CFAP206: variants seen among roughly 807,000 people sequenced by gnomAD.
CFAP206 encodes cilia- and flagella-associated protein 206.
A neutral mutation model predicts 65.4 loss-of-function variants in CFAP206; 53 were observed. The ratio of observed to expected loss-of-function variants is 0.81; its 90% CI spans 0.65 to 1.02. The LOEUF is 1.02. CFAP206 is among the 50% of genes least tolerant of loss of function. CFAP206 has a pLI of 0.00. For missense variants in CFAP206, 663 were observed against 753.2 expected (o/e 0.88, Z 1.40); for synonymous variants, 250 against 254.4 (o/e 0.98, Z 0.17).
chr6:87,452,379 T>G (rs1348813083), intron 11 of CFAP206, among the ~76,000 whole-genome samples: 1 of 152,178 alleles, frequency 6.6e-6, no homozygotes, highest in African/African-American at 2.4e-5. Context: ...AAACCCAGAT[T>G]GCTAAGATTA....
At chr6:87,434,418 CA>C (rs11435368) in intron 10 of CFAP206, among the ~76,000 whole-genome samples, 35,665 of 102,142 alleles carry the variant, frequency 0.35, 4,505 homozygotes, top group Admixed American at 0.46. Context: ...GACACAGTCT[CA>C]AAAAAAAAAA....
At chr6:87,457,273 T>C (rs907973007) in intron 11 of CFAP206, among the ~76,000 whole-genome samples, 1 of 152,152 alleles carries the variant, frequency 6.6e-6, no homozygotes, top group African/African-American at 2.4e-5. Context: ...ATGCAATCCT[T>C]ATCAAAATAC....
chr6:87,460,023 T>C (rs1299882249), intron 11 of CFAP206, among the ~76,000 whole-genome samples: 2 of 152,218 alleles, frequency 1.3e-5, no homozygotes, highest in Non-Finnish European at 1.5e-5. Context: ...TTAACTATCT[T>C]TTTAGCATTT....
Position 87,435,062 on chromosome 6 carries a change from G to T in CFAP206, c.1494+9G>T. Reference sequence around the variant, plus strand: ...TTATTCCATATTCTCAGGTAAGCAGGGTCAATATTTTATGAATTTATGACA... The same window carrying T: ...TTATTCCATATTCTCAGGTAAGCAGTGTCAATATTTTATGAATTTATGACA... On this transcript the variant is annotated intron_variant, in intron 11 of 12. Transcript: ENST00000369562. The T allele has an allele frequency of 1.3e-6, 2 of 1,534,096 alleles. No individual in the cohort carries two copies. The highest frequency in any genetic ancestry group is 1.8e-6 in the Non-Finnish European group (2 of 1,132,826).
intron 7 of CFAP206, among the ~76,000 whole-genome samples, chr6:87,423,226 A>T (rs1562245407): frequency 2.8e-5 from 4 of 142,348 alleles, no homozygotes; most frequent in Non-Finnish European, 6.1e-5. Flanking sequence ...GCCTTAGAAT[A>T]TTTTTTTATT....
intron 11 of CFAP206, 103 bp from the exon 12 acceptor site, chr6:87,460,916 AATT>A (rs1391540470): frequency 1.1e-6 from 1 of 932,608 alleles, no homozygotes; most frequent in South Asian, 1.9e-5. Context: ...CATGTCCAAA[AATT>A]ATTGTTTTTT....
At chr6:87,426,696 C>T in intron 8 of CFAP206, 51 bp downstream of exon 8, 1 of 1,393,028 alleles carries the variant, frequency 7.2e-7, no homozygotes, top group Non-Finnish European at 9.5e-7. Context: ...CTTTTGAGCC[C>T]TATAATATTG....
chr6:87,423,507 C>T (rs940444299), intron 7 of CFAP206, among the ~76,000 whole-genome samples: 1 of 152,182 alleles, frequency 6.6e-6, no homozygotes, highest in East Asian at 1.9e-4. Context: ...CCTCCGCCTC[C>T]CAAAGTGCTG....
chr6:87,442,676 GT>G (rs976114032), intron 11 of CFAP206, among the ~76,000 whole-genome samples: 3 of 152,060 alleles, frequency 2.0e-5, no homozygotes, highest in African/African-American at 7.2e-5. Context: ...TTTGCTGAGA[GT>G]TTTTTATATG....
At chr6:87,438,460 C>CAAA (rs757336468) in intron 11 of CFAP206, among the ~76,000 whole-genome samples, 50,348 of 110,456 alleles carry the variant, frequency 0.46, 10,300 homozygotes, top group Admixed American at 0.57. Flanking sequence ...ACTCTTGTCT[C>CAAA]AAAAAAAAAA....
chr6:87,438,589 GGA>G (rs1161705952), intron 11 of CFAP206, among the ~76,000 whole-genome samples: 1 of 151,552 alleles, frequency 6.6e-6, no homozygotes, highest in African/African-American at 2.4e-5. Flanking sequence ...TGTGTTTTTT[GGA>G]GAGTCTTTTG....
In CFAP206 at chr6:87,417,224, G is replaced by A. The variant is rs1767849622; in HGVS notation, c.631+397G>A. On this transcript the variant is annotated intron_variant, in intron 6 of 12. Coordinates refer to ENST00000369562, the MANE Select transcript of CFAP206 (RefSeq NM_001031743.3). ...CAGTTAATGGAATGAAAAGATCCACGAGGAGATATTTCAAATCTCTAAATT... is the reference window on the plus strand; with the variant it reads ...CAGTTAATGGAATGAAAAGATCCACAAGGAGATATTTCAAATCTCTAAATT... 2.6e-5 allele frequency among the ~76,000 whole-genome samples: 4 copies of A among 152,170 alleles called. No homozygotes were observed. In the South Asian group the frequency reaches 8.3e-4, roughly 31 times the overall value.
rs995437844 is a variant in CFAP206 at position 87,417,056 on chromosome 6, A to G, written c.631+229A>G. ...TGAAGCTAGTAGGAGAAAGTGAATC[A>G]GTGAAAGCAATGAAGGGTCCTGCTC... On this transcript the variant is annotated intron_variant, in intron 6 of 12. Coordinates refer to ENST00000369562, the MANE Select transcript of CFAP206 (RefSeq NM_001031743.3). 3.8e-4 allele frequency among the ~76,000 whole-genome samples: 58 copies of G among 152,346 alleles called. 1 individual carries two copies. Among genetic ancestry groups the G allele is most frequent in the African/African-American group, 1.3e-3 (53 of 41,566 alleles).
At chr6:87,462,153 G>A (rs985370344) in intron 12 of CFAP206, among the ~76,000 whole-genome samples, 7 of 152,178 alleles carry the variant, frequency 4.6e-5, no homozygotes, top group Non-Finnish European at 8.8e-5. Context: ...TGGCTTCCCT[G>A]ACTGGTTGAT....
chr6:87,440,014 A>G (rs999472883), intron 11 of CFAP206, among the ~76,000 whole-genome samples: 1 of 152,200 alleles, frequency 6.6e-6, no homozygotes, highest in African/African-American at 2.4e-5. Flanking sequence ...TGAGAAGTAC[A>G]TAATGAAGTT....
intron 11 of CFAP206, among the ~76,000 whole-genome samples, chr6:87,458,505 C>T (rs532638318): frequency 1.4e-5 from 2 of 138,220 alleles, no homozygotes; most frequent in East Asian, 2.1e-4. Context: ...GAGATCCTGT[C>T]ATTTGCAAAA....
chr6:87,430,840 A>T (rs1768143752), intron 9 of CFAP206, among the ~76,000 whole-genome samples, 193 bp from the exon 10 acceptor site: 2 of 152,222 alleles, frequency 1.3e-5, no homozygotes, highest in South Asian at 4.1e-4. Flanking sequence ...GTTATATGTC[A>T]CTGAGGTCAT....
At chr6:87,426,416 G>C in intron 7 of CFAP206, 110 bp from the exon 8 acceptor site, 1 of 728,592 alleles carries the variant, frequency 1.4e-6, no homozygotes, top group Non-Finnish European at 2.1e-6. Flanking sequence ...ACTTCCTGCT[G>C]TCATTGAGCC....
intron 11 of CFAP206, among the ~76,000 whole-genome samples, chr6:87,450,860 A>G (rs1353672876): frequency 2.6e-5 from 4 of 152,168 alleles, no homozygotes; most frequent in Non-Finnish European, 5.9e-5. Flanking sequence ...GCCACGTGAC[A>G]CAGATAGAGA....
Sources: allele counts gnomAD v4.1 joint callset (sites outside exome capture counted in the v4.1 genomes callset), GRCh38; gene constraint gnomAD v4.1.1; transcripts MANE v1.5; gene names NCBI Gene and HGNC (gene_info 2026-07-23, HGNC 2026-07-21).